UBE2E1: variants seen among roughly 807,000 people sequenced by gnomAD.
The protein encoded by UBE2E1 is ubiquitin conjugating enzyme E2 E1.
UBE2E1 carries 6 observed loss-of-function variants against 21.4 expected under a neutral mutation model. The ratio of observed to expected loss-of-function variants is 0.28; its 90% CI spans 0.15 to 0.55. UBE2E1 has a LOEUF of 0.55. Ranked by LOEUF, UBE2E1 falls within the 20% of genes least tolerant of loss-of-function variation. UBE2E1 has a pLI of 0.93. For missense variants in UBE2E1, 142 were observed against 236.5 expected, an observed-to-expected ratio of 0.60 and a Z score of 2.62; for synonymous variants, 87 against 82.7, an observed-to-expected ratio of 1.05 and a Z score of -0.28.
Position 23,808,210 on chromosome 3 carries a change from A to T in UBE2E1, c.152+789A>T. Among the ~76,000 whole-genome samples, 1 of 152,106 alleles carries T rather than the reference A, an allele frequency of 6.6e-6. No homozygotes were observed. The highest frequency in any genetic ancestry group is 6.5e-5 in the Admixed American group (1 of 15,270). On this transcript the variant is annotated intron_variant, in intron 2 of 5. Transcript: ENST00000306627. This position sits in a 1 kb window ranked among gnomAD's most constrained non-coding sequence, Gnocchi z 4.9. ...AAGGTAGCTACTTTTTATCCCTGCC[A>T]TCCTAAGCGGTCACCCTTTTTCTTT...
chr3:23,868,380 C>G (rs1221391310), intron 3 of UBE2E1, among the ~76,000 whole-genome samples: 1 of 152,096 alleles, frequency 6.6e-6, no homozygotes, highest in Admixed American at 6.5e-5. Context: ...CACGATCTCA[C>G]TCACTGCAAC....
intron 3 of UBE2E1, among the ~76,000 whole-genome samples, chr3:23,835,320 T>G (rs574226746): frequency 1.3e-5 from 2 of 152,030 alleles, no homozygotes; most frequent in African/African-American, 4.8e-5. Flanking sequence ...ATTTAAAAAT[T>G]AGCTAGATGT....
chr3:23,864,790 C>T (rs1413570622), intron 3 of UBE2E1, among the ~76,000 whole-genome samples: 1 of 152,224 alleles, frequency 6.6e-6, no homozygotes, highest in East Asian at 1.9e-4. Context: ...GGTCTTTCCT[C>T]TGAGTCGCTC....
Position 23,870,743 on chromosome 3 carries a change from C to T in UBE2E1, c.204-16824C>T, listed in dbSNP as rs1156711010. Among the ~76,000 whole-genome samples, 1 of 151,888 alleles carries T rather than the reference C, an allele frequency of 6.6e-6. No individual in the cohort carries two copies. Among genetic ancestry groups the T allele is most frequent in the African/African-American group, 2.4e-5 (1 of 41,278 alleles). On this transcript the variant is annotated intron_variant, in intron 3 of 5. Coordinates refer to ENST00000306627, the MANE Select transcript of UBE2E1 (RefSeq NM_003341.5). The surrounding 1 kb of genome is among the most constrained non-coding windows in gnomAD (Gnocchi z 4.2). ...CTCGCAGAGGGGTATTTGGCAGGGT[C>T]ATAGGACAATAGTGGAGGGAAGGTC...
rs373063405 is a variant in UBE2E1 at position 23,851,430 on chromosome 3, G to GT, written c.204-36128dup. 3.3e-4 allele frequency among the ~76,000 whole-genome samples: 50 copies of GT among 150,776 alleles called. 1 individual carries two copies. Among genetic ancestry groups the GT allele is most frequent in the Non-Finnish European group, 5.9e-4 (40 of 67,546 alleles). On this transcript the variant is annotated intron_variant, in intron 3 of 5. Transcript: ENST00000306627. The stretch of plus-strand genomic sequence containing the variant: ...CTTGTCAATTTCTGTTTTTCATTTT[G>GT]TTTTTTTTTAAACAGTCCAGCTGGG...
chr3:23,810,752 C>T lies in UBE2E1; in HGVS notation c.153-708C>T, dbSNP rs540949360. 9.5e-4 allele frequency: 276 copies of T among 290,374 alleles called. 1 individual carries two copies. Among genetic ancestry groups the T allele is most frequent in the African/African-American group, 5.8e-3 (264 of 45,268 alleles). 18.0% of individuals were successfully genotyped at this position (290,374 alleles called of 1,614,324 possible). A position where few individuals can be genotyped will look rare whatever the true frequency, so the allele number is the denominator to read the frequency against. On this transcript the variant is annotated intron_variant, in intron 2 of 5. Transcript: ENST00000306627. The surrounding 1 kb of genome is among the most constrained non-coding windows in gnomAD (Gnocchi z 5.8). ...AGCCCCCGTGCGGGCACCCTGTTCC[C>T]CTCCCCCGCCCGCAACTTCACCGGC...
intron 3 of UBE2E1, among the ~76,000 whole-genome samples, chr3:23,829,464 C>T (rs944365900): frequency 6.6e-6 from 1 of 151,964 alleles, no homozygotes; most frequent in African/African-American, 2.4e-5. Flanking sequence ...CCAGACCCAG[C>T]TGTTTTCTAA....
At chr3:23,830,196 C>G (rs1439723295) in intron 3 of UBE2E1, among the ~76,000 whole-genome samples, 1 of 152,046 alleles carries the variant, frequency 6.6e-6, no homozygotes, top group Non-Finnish European at 1.5e-5. Context: ...GTTAAGTAGC[C>G]TTTCAGGATG....
intron 3 of UBE2E1, among the ~76,000 whole-genome samples, chr3:23,845,969 A>T (rs1700195353): frequency 6.6e-6 from 1 of 152,150 alleles, no homozygotes; most frequent in South Asian, 2.1e-4. Flanking sequence ...AGTAGACCAA[A>T]CAGAAACAGG....
At chr3:23,829,371 G>A (rs2125292495) in intron 3 of UBE2E1, among the ~76,000 whole-genome samples, 1 of 151,108 alleles carries the variant, frequency 6.6e-6, no homozygotes, top group Non-Finnish European at 1.5e-5. Context: ...TGTTGCCCAG[G>A]CTGGTCTGGA....
chr3:23,859,257 A>G (rs1700502364), intron 3 of UBE2E1, among the ~76,000 whole-genome samples: 1 of 152,056 alleles, frequency 6.6e-6, no homozygotes, highest in Non-Finnish European at 1.5e-5. Context: ...CCTACTTTTC[A>G]TCTTCCCAGA....
chr3:23,836,127 G>C lies in UBE2E1; in HGVS notation c.203+24617G>C, dbSNP rs1699969753. ...TGGAACAAGAACTGTTTAGGATATA[G>C]ATGAAATACATTGAAACAGCAAGAA... On this transcript the variant is annotated intron_variant, in intron 3 of 5. Transcript: ENST00000306627. This position sits in a 1 kb window ranked among gnomAD's most constrained non-coding sequence, Gnocchi z 4.1. Among the ~76,000 whole-genome samples the C allele has an allele frequency of 6.6e-6, 1 of 152,156 alleles. No homozygotes were observed. The highest frequency in any genetic ancestry group is 6.5e-5 in the Admixed American group (1 of 15,270).
chr3:23,877,955 C>T (rs1559493117), intron 3 of UBE2E1, among the ~76,000 whole-genome samples: 1 of 152,106 alleles, frequency 6.6e-6, no homozygotes, highest in Non-Finnish European at 1.5e-5. Flanking sequence ...TTGAAATACG[C>T]TGGCACTGTT....
At chr3:23,881,389 C>T (rs1289091183) in intron 3 of UBE2E1, among the ~76,000 whole-genome samples, 1 of 152,174 alleles carries the variant, frequency 6.6e-6, no homozygotes. Context: ...AAACCTTAAA[C>T]CTCTGTGTAG....
At chr3:23,811,656 C>T (rs909003485) in intron 3 of UBE2E1, 146 bp downstream of exon 3, 1 of 740,704 alleles carries the variant, frequency 1.4e-6, no homozygotes, top group East Asian at 2.7e-5. Context: ...AATTTATTAA[C>T]CTGAGTATAA....
rs1465121669 is a variant in UBE2E1, at chr3:23,842,205, G to GTGTGTA, written c.203+30700_203+30701insATGTGT. 3.7e-4 allele frequency among the ~76,000 whole-genome samples: 36 copies of GTGTGTA among 97,436 alleles called. No individual in the cohort carries two copies. The highest frequency in any genetic ancestry group is 1.5e-3 in the African/African-American group (36 of 24,070). The allele number at this position is 97,436 out of a possible 152,430, so 63.9% of individuals were successfully genotyped here. A position where few individuals can be genotyped will look rare whatever the true frequency, so the allele number is the denominator to read the frequency against. ...TGACCCAGTAAGTGAAGGGGTGTGTGTGTGTGTGTGTGTGTGTGTGTGTGT... is the reference window on the plus strand; with the variant it reads ...TGACCCAGTAAGTGAAGGGGTGTGTGTGTGTATGTGTGTGTGTGTGTGTGTGTGTGT... On this transcript the variant is annotated intron_variant, in intron 3 of 5. Transcript: ENST00000306627. This position sits in a 1 kb window ranked among gnomAD's most constrained non-coding sequence, Gnocchi z 4.6.
intron 3 of UBE2E1, among the ~76,000 whole-genome samples, chr3:23,886,613 T>C (rs1446617421): frequency 6.6e-6 from 1 of 152,218 alleles, no homozygotes; most frequent in African/African-American, 2.4e-5. Flanking sequence ...GGGGAAAGTA[T>C]AGGCCCATGG....
Position 23,820,825 on chromosome 3 carries a change from G to C in UBE2E1, c.203+9315G>C, listed in dbSNP as rs117496760. On this transcript the variant is annotated intron_variant, in intron 3 of 5. Coordinates refer to ENST00000306627, the MANE Select transcript of UBE2E1 (RefSeq NM_003341.5). ...CATTATCCATACTGCCAGTACATTG[G>C]CCATTTGTATTTATTAAAATTGATC... is the stretch of plus-strand genomic sequence containing the variant. Among the ~76,000 whole-genome samples, 93 of 152,260 alleles carry C rather than the reference G, an allele frequency of 6.1e-4. 1 individual carries two copies. The East Asian group carries it at 0.016, about 27-fold the overall frequency.
At chr3:23,815,518 A>T (rs1281133981) in intron 3 of UBE2E1, among the ~76,000 whole-genome samples, 2 of 152,214 alleles carry the variant, frequency 1.3e-5, no homozygotes, top group East Asian at 3.8e-4. Context: ...CACTTTGTAT[A>T]CTTCCACGTA....
Sources: allele counts gnomAD v4.1 joint callset (sites outside exome capture counted in the v4.1 genomes callset), GRCh38; gene constraint gnomAD v4.1.1; non-coding constraint Gnocchi (gnomAD v3.1); transcripts MANE v1.5; gene names NCBI Gene and HGNC (gene_info 2026-07-23, HGNC 2026-07-21).